Variants in GPC6 observed in about 807,000 individuals in gnomAD.
GPC6 encodes the protein glypican 6.
Under a neutral mutation model 55.2 loss-of-function variants are expected in GPC6, and 14 were observed. That is an observed-to-expected ratio of 0.25 (90% CI 0.17 to 0.40). The LOEUF (loss-of-function observed/expected upper bound fraction) is 0.40, where lower values mean the gene tolerates loss of function less well. Among genes scored for constraint, GPC6 ranks in the 10% least tolerant of loss-of-function variants. The pLI, the probability that GPC6 is intolerant of heterozygous loss-of-function variation, is 1.00. For synonymous variants in GPC6, 278 were observed against 259.6 expected, an observed-to-expected ratio of 1.07 and a Z score of -0.68; for missense variants, 641 against 708.5, an observed-to-expected ratio of 0.90 and a Z score of 1.08.
At chr13:93,433,419 T>C (rs138493220) in intron 1 of GPC6, among the ~76,000 whole-genome samples, 8 of 152,262 alleles carry the variant, frequency 5.3e-5, no homozygotes, top group African/African-American at 1.9e-4. Flanking sequence ...TTAAATTACA[T>C]GTAAATAAAT....
chr13:93,855,558 C>G (rs1888573786), intron 3 of GPC6, among the ~76,000 whole-genome samples: 1 of 151,500 alleles, frequency 6.6e-6, no homozygotes, highest in Non-Finnish European at 1.5e-5. Flanking sequence ...AGCAAGAATG[C>G]AGGATAGTAT....
chr13:93,409,408 G>T (rs1162107519), intron 1 of GPC6, among the ~76,000 whole-genome samples: 1 of 152,142 alleles, frequency 6.6e-6, no homozygotes, highest in African/African-American at 2.4e-5. Flanking sequence ...GCCTGGAATT[G>T]AGTTCATCTT....
rs541959408 is a variant in GPC6, at chr13:94,371,858, C to T, written c.1153-10556C>T. On this transcript the variant is annotated intron_variant, in intron 6 of 8. Transcript: ENST00000377047. ...GACACATTATCCCTAAGTATCTCAG[C>T]GTGAATCTCCTAAAAGCAAGGACAG... Among the ~76,000 whole-genome samples, 33 of 152,102 alleles carry T rather than the reference C, an allele frequency of 2.2e-4. 2 individuals are homozygous for T. The highest frequency in any genetic ancestry group is 1.8e-3 in the Admixed American group (27 of 15,280).
chr13:94,212,780 A>G (rs1265515067), intron 4 of GPC6, among the ~76,000 whole-genome samples: 1 of 152,248 alleles, frequency 6.6e-6, no homozygotes, highest in East Asian at 1.9e-4. Context: ...GAATCCTCAC[A>G]CACTTTACAA....
At chr13:94,040,474 G>A (rs1219338937) in intron 4 of GPC6, among the ~76,000 whole-genome samples, 1 of 151,782 alleles carries the variant, frequency 6.6e-6, no homozygotes. Flanking sequence ...GAATGCCCTA[G>A]AGTATAAATA....
intron 2 of GPC6, among the ~76,000 whole-genome samples, chr13:93,695,563 A>G (rs1010326283): frequency 6.6e-6 from 1 of 152,140 alleles, no homozygotes; most frequent in African/African-American, 2.4e-5. Context: ...TGTTTTAGAT[A>G]CTAAGAAGTA....
intron 1 of GPC6, among the ~76,000 whole-genome samples, chr13:93,263,919 C>T (rs1376048253): frequency 6.6e-6 from 1 of 152,150 alleles, no homozygotes; most frequent in Non-Finnish European, 1.5e-5. Context: ...TTAGTTGTGC[C>T]AGTTTACTCT....
intron 1 of GPC6, among the ~76,000 whole-genome samples, chr13:93,498,384 A>G (rs1880389809): frequency 6.6e-6 from 1 of 152,198 alleles, no homozygotes; most frequent in African/African-American, 2.4e-5. Context: ...TTTCTTACAT[A>G]TACCTACAAA....
At chr13:93,525,028 T>G (rs1055507992) in intron 1 of GPC6, among the ~76,000 whole-genome samples, 3 of 152,096 alleles carry the variant, frequency 2.0e-5, no homozygotes, top group African/African-American at 7.2e-5. Flanking sequence ...GGTCGTTGAC[T>G]CTAATGGAAG....
chr13:93,450,922 G>A (rs966404768), intron 1 of GPC6, among the ~76,000 whole-genome samples: 1 of 152,170 alleles, frequency 6.6e-6, no homozygotes, highest in Non-Finnish European at 1.5e-5. Flanking sequence ...TAATGGACTG[G>A]AGTCCAGTAA....
At chr13:93,295,853 C>T (rs375058201) in intron 1 of GPC6, among the ~76,000 whole-genome samples, 17 of 152,198 alleles carry the variant, frequency 1.1e-4, no homozygotes, top group Non-Finnish European at 1.6e-4. Flanking sequence ...GGATTACAGG[C>T]GTGTGCCATC....
At chr13:93,356,957 G>T (rs1431569289) in intron 1 of GPC6, among the ~76,000 whole-genome samples, 3 of 152,156 alleles carry the variant, frequency 2.0e-5, no homozygotes, top group African/African-American at 7.2e-5. Context: ...AGCATTAGGA[G>T]AATTTAATGA....
intron 2 of GPC6, among the ~76,000 whole-genome samples, chr13:93,618,289 A>C (rs1017237668): frequency 6.6e-6 from 1 of 152,206 alleles, no homozygotes; most frequent in South Asian, 2.1e-4. Context: ...ATATATACAT[A>C]TATGTGTATA....
chr13:93,489,332 C>A (rs917707505), intron 1 of GPC6, among the ~76,000 whole-genome samples: 2 of 151,330 alleles, frequency 1.3e-5, no homozygotes, highest in Non-Finnish European at 2.9e-5. Flanking sequence ...TGGTCTATAT[C>A]TCTGTTTTGG....
intron 6 of GPC6, among the ~76,000 whole-genome samples, chr13:94,310,943 T>C (rs183780707): frequency 6.6e-6 from 1 of 152,312 alleles, no homozygotes; most frequent in Non-Finnish European, 1.5e-5. Flanking sequence ...TCAGCCCTCA[T>C]GCATAAGGTG....
At chr13:93,756,419 G>A (rs2138869919) in intron 2 of GPC6, among the ~76,000 whole-genome samples, 1 of 152,236 alleles carries the variant, frequency 6.6e-6, no homozygotes, top group Non-Finnish European at 1.5e-5. Flanking sequence ...CGGACATGCT[G>A]GTCAGAGGCC....
At chr13:94,109,199 T>C (rs2138837232) in intron 4 of GPC6, among the ~76,000 whole-genome samples, 1 of 152,348 alleles carries the variant, frequency 6.6e-6, no homozygotes, top group South Asian at 2.1e-4. Context: ...CCTAGCGTTA[T>C]GACTGTCATG....
intron 2 of GPC6, among the ~76,000 whole-genome samples, chr13:93,614,737 A>G (rs940101536): frequency 6.6e-6 from 1 of 152,178 alleles, no homozygotes; most frequent in Non-Finnish European, 1.5e-5. Context: ...GCTATAGAAG[A>G]TCTCTTAGTA....
intron 2 of GPC6, among the ~76,000 whole-genome samples, chr13:93,706,303 TA>T (rs1882847215): frequency 6.6e-6 from 1 of 151,902 alleles, no homozygotes; most frequent in Admixed American, 6.6e-5. Context: ...TTCACCTATT[TA>T]AAAAACTTAC....
Sources: gnomAD v4.1 joint callset for allele counts (sites outside exome capture counted in the v4.1 genomes callset) on GRCh38, gnomAD v4.1.1 for gene constraint, MANE v1.5 for transcripts, NCBI Gene and HGNC (gene_info 2026-07-23, HGNC 2026-07-21) for gene names.